The following PPFIBP2 variants were observed in gnomAD, a reference collection of about 807,000 sequenced individuals.
PPFIBP2 encodes PPFIB scaffold protein 2.
PPFIBP2 carries 118 observed loss-of-function variants against 118.3 expected under a neutral mutation model. The ratio of observed to expected loss-of-function variants is 1.00; its 90% confidence interval spans 0.86 to 1.16. The LOEUF is 1.16. Among genes scored for constraint, PPFIBP2 ranks in the 50% most tolerant of loss-of-function variants. The pLI is 0.00. For synonymous variants in PPFIBP2, 414 were observed against 397.4 expected, an observed-to-expected ratio of 1.04 and a Z score of -0.50; for missense variants, 1,195 against 1,073.1, an observed-to-expected ratio of 1.11 and a Z score of -1.59.
At chr11:7,545,492 TA>T (rs1247245285) in intron 1 of PPFIBP2, among the ~76,000 whole-genome samples, 2 of 152,230 alleles carry the variant, frequency 1.3e-5, no homozygotes, top group African/African-American at 4.8e-5. Flanking sequence ...TACAGTGTAT[TA>T]TAATTGTTCT....
chr11:7,629,426 C>T (rs1003637894), intron 9 of PPFIBP2, 33 bp from the exon 10 acceptor site: 8 of 1,593,508 alleles, frequency 5.0e-6, no homozygotes, highest in African/African-American at 1.3e-5. Context: ...GCCAGCATAG[C>T]ATTAATCTAA....
At chr11:7,648,651 G>C in intron 18 of PPFIBP2, 114 bp downstream of exon 18, 1 of 1,500,128 alleles carries the variant, frequency 6.7e-7, no homozygotes, top group Non-Finnish European at 9.2e-7. Context: ...AGGAGGCTGA[G>C]AGTTCCTCTG....
chr11:7,631,298 CT>C (rs755161151), intron 11 of PPFIBP2: 8 of 350,318 alleles, frequency 2.3e-5, no homozygotes, highest in Non-Finnish European at 3.7e-5. Context: ...TTATTTTTAT[CT>C]TTTTTTTCTC....
rs1196350664 is a variant in PPFIBP2, at chr11:7,616,143, C to T, written c.619-4792C>T. ...CAACACAAAGCCATACACACACATA[C>T]ACACGCACACACAAACACCCACACA... On this transcript the variant is annotated intron_variant, in intron 6 of 23. Coordinates refer to ENST00000299492, the MANE Select transcript of PPFIBP2 (RefSeq NM_003621.5). This position sits in a 1 kb window ranked among gnomAD's most constrained non-coding sequence, Gnocchi z 5.2. 6.6e-6 allele frequency among the ~76,000 whole-genome samples: 1 copy of T among 151,960 alleles called. No homozygotes were observed. The highest frequency in any genetic ancestry group is 1.5e-5 in the Non-Finnish European group (1 of 68,032).
At chr11:7,624,621 A>G (rs1271790156) in intron 7 of PPFIBP2, among the ~76,000 whole-genome samples, 5 of 152,242 alleles carry the variant, frequency 3.3e-5, no homozygotes, top group Non-Finnish European at 2.9e-5. Flanking sequence ...GCTGTCTTTT[A>G]TTGACCGGCT....
rs776276124 is a variant in PPFIBP2 at position 7,629,549 on chromosome 11, G to T, written c.964+15G>T. On this transcript the variant is annotated intron_variant, in intron 10 of 23. Transcript: ENST00000299492. ...GGTCACTCAAGGTAAGAGCAAGGGC[G>T]ATCCTACCGTTGTCTCTGAAAGATA... The T allele has an allele frequency of 1.9e-6, 3 of 1,612,306 alleles. No individual in the cohort carries two copies. The highest frequency in any genetic ancestry group is 2.5e-6 in the Non-Finnish European group (3 of 1,178,392).
At chr11:7,520,833 T>C (rs1403452466) in intron 1 of PPFIBP2, among the ~76,000 whole-genome samples, 2 of 152,236 alleles carry the variant, frequency 1.3e-5, no homozygotes, top group African/African-American at 4.8e-5. Context: ...CAATGCTTGA[T>C]GGCACCTATG....
downstream of PPFIBP2, among the ~76,000 whole-genome samples, chr11:7,657,927 C>T (rs1424387544): frequency 6.6e-6 from 1 of 152,220 alleles, no homozygotes; most frequent in East Asian, 1.9e-4. Flanking sequence ...CCTCCAGTTG[C>T]CAAGGAGATC....
intron 12 of PPFIBP2, among the ~76,000 whole-genome samples, 181 bp from the exon 13 acceptor site, chr11:7,634,314 C>G (rs1851165217): frequency 6.6e-6 from 1 of 152,206 alleles, no homozygotes; most frequent in Non-Finnish European, 1.5e-5. Context: ...TTGGACCAGT[C>G]TGTCCCCCAA....
chr11:7,608,356 G>T (rs1247298996), intron 5 of PPFIBP2, among the ~76,000 whole-genome samples: 1 of 152,130 alleles, frequency 6.6e-6, no homozygotes, highest in African/African-American at 2.4e-5. Context: ...CACTAACTCT[G>T]CTTGCTGGGT....
chr11:7,539,630 A>G (rs1273188626), intron 1 of PPFIBP2, among the ~76,000 whole-genome samples: 2 of 152,152 alleles, frequency 1.3e-5, no homozygotes, highest in Admixed American at 1.3e-4. Flanking sequence ...TGAGGGCCTT[A>G]CCACTTAGAC....
chr11:7,619,586 C>T (rs1565069796), intron 6 of PPFIBP2, among the ~76,000 whole-genome samples: 1 of 152,200 alleles, frequency 6.6e-6, no homozygotes, highest in Non-Finnish European at 1.5e-5. Context: ...AACAGAGGAG[C>T]AACCAATGAA....
chr11:7,634,823 C>G (rs1851236401), intron 13 of PPFIBP2, among the ~76,000 whole-genome samples: 1 of 152,096 alleles, frequency 6.6e-6, no homozygotes. Flanking sequence ...TGAGCAATAG[C>G]AGGTTTTGGA....
intron 2 of PPFIBP2, among the ~76,000 whole-genome samples, chr11:7,561,551 G>T (rs111601813): frequency 5.9e-5 from 9 of 152,214 alleles, no homozygotes; most frequent in African/African-American, 2.2e-4. Context: ...AGTTTTTTAA[G>T]TGTGTAATCT....
the PPFIBP2 span, among the ~76,000 whole-genome samples, chr11:7,664,718 G>A: frequency 6.6e-6 from 1 of 152,106 alleles, no homozygotes; most frequent in Non-Finnish European, 1.5e-5. Context: ...TGGAGAGATG[G>A]GGGTGGCCAG....
intron 1 of PPFIBP2, among the ~76,000 whole-genome samples, chr11:7,518,192 G>A (rs1218691550): frequency 6.6e-6 from 1 of 152,220 alleles, no homozygotes; most frequent in Non-Finnish European, 1.5e-5. Flanking sequence ...CTTGTTGTGG[G>A]GTTTGAGGGC....
chr11:7,649,681 G>C (rs1853681485), intron 21 of PPFIBP2, 27 bp downstream of exon 21: 1 of 1,613,430 alleles, frequency 6.2e-7, no homozygotes, highest in Non-Finnish European at 8.5e-7. Context: ...TATCTCTCCA[G>C]GTAGCCCTGA....
chr11:7,569,871 G>T lies in PPFIBP2; in HGVS notation c.279+4104G>T, dbSNP rs545248660. On this transcript the variant is annotated intron_variant, in intron 3 of 23. Transcript: ENST00000299492. ...GCCTCCTCCTTCTCTGTTTACTATG[G>T]TGAAATGTAGGATGATGCCCTCGGG... Among the ~76,000 whole-genome samples, 25 of 152,306 alleles carry T rather than the reference G, an allele frequency of 1.6e-4. No homozygotes were observed. In the South Asian group the frequency reaches 5.2e-3, roughly 32 times the overall value.
intron 3 of PPFIBP2, among the ~76,000 whole-genome samples, chr11:7,587,055 C>T (rs1324169258): frequency 6.6e-6 from 1 of 152,212 alleles, no homozygotes; most frequent in Non-Finnish European, 1.5e-5. Flanking sequence ...CTGCTCCCCA[C>T]CTCCACCAAC....
Sources: allele counts gnomAD v4.1 joint callset (sites outside exome capture counted in the v4.1 genomes callset), GRCh38; gene constraint gnomAD v4.1.1; non-coding constraint Gnocchi (gnomAD v3.1); transcripts MANE v1.5; gene names NCBI Gene and HGNC (gene_info 2026-07-23, HGNC 2026-07-21).